Variants in KIF26B observed in about 807,000 individuals in gnomAD.
KIF26B encodes kinesin family member 26B.
Under a neutral mutation model 151.2 loss-of-function variants are expected in KIF26B, and 63 were observed. The observed-to-expected ratio is 0.42, with a 90% CI of 0.34 to 0.51. The LOEUF is 0.51. KIF26B is among the 20% of genes least tolerant of loss of function. The pLI is 0.07. For synonymous variants in KIF26B, 1,357 were observed against 1,262.1 expected (o/e 1.08, Z -1.59); for missense variants, 2,813 against 2,913.6 (o/e 0.97, Z 0.79).
At chr1:245,683,041 C>T (rs575902134) in intron 10 of KIF26B, among the ~76,000 whole-genome samples, 3 of 152,304 alleles carry the variant, frequency 2.0e-5, no homozygotes, top group Admixed American at 2.0e-4. Context: ...GCCAAACTTA[C>T]ACCTTAATTG....
intron 2 of KIF26B, among the ~76,000 whole-genome samples, chr1:245,362,439 G>C (rs1672845196): frequency 6.6e-6 from 1 of 151,252 alleles, no homozygotes; most frequent in African/African-American, 2.4e-5. Context: ...TCAGGAGGCT[G>C]AGGCAGGAGA....
chr1:245,546,978 A>C (rs919129560), intron 5 of KIF26B, among the ~76,000 whole-genome samples: 2 of 152,202 alleles, frequency 1.3e-5, no homozygotes, highest in African/African-American at 4.8e-5. Flanking sequence ...CTTGGGGAAA[A>C]TGTTCTGACT....
intron 8 of KIF26B, among the ~76,000 whole-genome samples, chr1:245,609,877 C>T (rs1205974531): frequency 1.3e-5 from 2 of 152,142 alleles, no homozygotes; most frequent in Non-Finnish European, 2.9e-5. Context: ...TAGCTAGAGC[C>T]ATTACGGGGC....
chr1:245,306,855 C>A (rs1348766487), intron 2 of KIF26B, among the ~76,000 whole-genome samples: 1 of 152,174 alleles, frequency 6.6e-6, no homozygotes, highest in African/African-American at 2.4e-5. Flanking sequence ...GGGATGTCGG[C>A]TTGCTCATAT....
At chr1:245,219,164 A>G (rs1350165739) in intron 2 of KIF26B, among the ~76,000 whole-genome samples, 1 of 92,366 alleles carries the variant, frequency 1.1e-5, no homozygotes, top group Non-Finnish European at 1.9e-5. Flanking sequence ...TTTGAGACGG[A>G]GTCTTGCTCT....
chr1:245,387,962 C>T (rs1218989817), intron 3 of KIF26B, among the ~76,000 whole-genome samples: 2 of 152,136 alleles, frequency 1.3e-5, no homozygotes, highest in African/African-American at 4.8e-5. Flanking sequence ...CTCATGCGTG[C>T]TTCTATTTTT....
At chr1:245,378,444 C>T (rs1673326838) in intron 3 of KIF26B, among the ~76,000 whole-genome samples, 1 of 152,148 alleles carries the variant, frequency 6.6e-6, no homozygotes, top group Non-Finnish European at 1.5e-5. Flanking sequence ...AGCATCCCTG[C>T]ACAGGGGGTG....
intron 4 of KIF26B, among the ~76,000 whole-genome samples, chr1:245,531,049 T>C (rs975238207): frequency 6.6e-6 from 1 of 152,198 alleles, no homozygotes; most frequent in African/African-American, 2.4e-5. Context: ...GTAGTTGTTA[T>C]AATTTCCCTT....
At chr1:245,449,223 C>T (rs1469044464) in intron 4 of KIF26B, among the ~76,000 whole-genome samples, 7 of 152,148 alleles carry the variant, frequency 4.6e-5, no homozygotes, top group Non-Finnish European at 8.8e-5. Flanking sequence ...CTCTATATCC[C>T]GACAGATCCT....
chr1:245,330,053 G>A (rs935569981), intron 2 of KIF26B, among the ~76,000 whole-genome samples: 1 of 152,014 alleles, frequency 6.6e-6, no homozygotes, highest in Non-Finnish European at 1.5e-5. Context: ...CCGATCTGAA[G>A]TGCAAAGATT....
At chr1:245,232,676 G>C (rs564866493) in intron 2 of KIF26B, among the ~76,000 whole-genome samples, 1 of 151,348 alleles carries the variant, frequency 6.6e-6, no homozygotes, top group African/African-American at 2.4e-5. Context: ...TTAGCCTCCC[G>C]AGTAGCTGGG....
In KIF26B at chr1:245,243,471, C is replaced by CACACAT. The variant is rs1212157430; in HGVS notation, c.465+86789_465+86790insCACATA. The stretch of plus-strand genomic sequence containing the variant: ...ATACACACACACACACACACACACA[C>CACACAT]ATATATATATACACACATACATAAA... On this transcript the variant is annotated intron_variant, in intron 2 of 14. Coordinates refer to ENST00000407071, the MANE Select transcript of KIF26B (RefSeq NM_018012.4). Among the ~76,000 whole-genome samples the CACACAT allele has an allele frequency of 1.5e-3, 222 of 150,254 alleles. 1 individual carries two copies. In the East Asian group the frequency reaches 0.017, roughly 11 times the overall value.
chr1:245,287,196 G>C (rs540449169), intron 2 of KIF26B, among the ~76,000 whole-genome samples: 461 of 151,958 alleles, frequency 3.0e-3, no homozygotes, highest in African/African-American at 0.011. Context: ...GCAGGTCTGG[G>C]GCTATTTTTC....
intron 2 of KIF26B, among the ~76,000 whole-genome samples, chr1:245,254,589 A>AGTTTGGAAATAACCATAC: frequency 6.6e-6 from 1 of 152,244 alleles, no homozygotes; most frequent in Non-Finnish European, 1.5e-5. Flanking sequence ...GAGATTTCCA[A>AGTTTGGAAATAACCATAC]AAGTGCATAT....
chr1:245,690,792 A>T (rs2044614940), intron 12 of KIF26B, among the ~76,000 whole-genome samples: 1 of 147,228 alleles, frequency 6.8e-6, no homozygotes, highest in African/African-American at 2.5e-5. Flanking sequence ...GCTTTACTTC[A>T]CCCCTCAATC....
intron 2 of KIF26B, among the ~76,000 whole-genome samples, chr1:245,255,251 T>G (rs774618891): frequency 2.0e-5 from 3 of 152,208 alleles, no homozygotes; most frequent in Non-Finnish European, 4.4e-5. Flanking sequence ...TTTTTGCTCT[T>G]TATAAATTAC....
At chr1:245,171,367 C>T (rs1276150742) in intron 2 of KIF26B, among the ~76,000 whole-genome samples, 1 of 152,180 alleles carries the variant, frequency 6.6e-6, no homozygotes, top group African/African-American at 2.4e-5. Flanking sequence ...CATGGTGAAA[C>T]CCCGTCTCTA....
intron 2 of KIF26B, among the ~76,000 whole-genome samples, chr1:245,219,422 T>C (rs1332624998): frequency 2.6e-5 from 4 of 151,958 alleles, no homozygotes. Flanking sequence ...CCTAGTCTGC[T>C]CTGGTTTCTA....
intron 2 of KIF26B, among the ~76,000 whole-genome samples, chr1:245,350,037 G>GTA (rs572210450): frequency 0.022 from 3,256 of 150,118 alleles, 105 homozygotes; most frequent in African/African-American, 0.075. Flanking sequence ...AGTGCAGAGA[G>GTA]TATATATATA....
Sources: gnomAD v4.1 joint callset for allele counts (sites outside exome capture counted in the v4.1 genomes callset) on GRCh38, gnomAD v4.1.1 for gene constraint, MANE v1.5 for transcripts, NCBI Gene and HGNC (gene_info 2026-07-23, HGNC 2026-07-21) for gene names.